The following SLC25A13 variants were observed in gnomAD, a reference collection of about 807,000 sequenced individuals.
SLC25A13 encodes electrogenic aspartate/glutamate antiporter SLC25A13, mitochondrial.
In SLC25A13, 70 loss-of-function variants were observed where a neutral mutation model predicts 85.5. That is an observed-to-expected ratio of 0.82 (90% CI 0.68 to 1.00). SLC25A13 has a LOEUF of 1.00. Among genes scored for constraint, SLC25A13 ranks in the 50% least tolerant of loss-of-function variants. The pLI is 0.00. For missense variants in SLC25A13, 765 were observed against 819.8 expected, an observed-to-expected ratio of 0.93 and a Z score of 0.82; for synonymous variants, 259 against 288.7, an observed-to-expected ratio of 0.90 and a Z score of 1.04.
chr7:96,229,492 G>C (rs1241246819), intron 4 of SLC25A13, among the ~76,000 whole-genome samples: 2 of 152,126 alleles, frequency 1.3e-5, no homozygotes, highest in African/African-American at 4.8e-5. Context: ...GTGGCAACCT[G>C]CTCTGGTCCC....
chr7:96,300,728 C>T (rs1799520066), intron 1 of SLC25A13, among the ~76,000 whole-genome samples: 1 of 152,146 alleles, frequency 6.6e-6, no homozygotes, highest in African/African-American at 2.4e-5. Context: ...ATGATCACCA[C>T]AAGATTTCTC....
chr7:96,188,138 G>A (rs180908662), intron 9 of SLC25A13, among the ~76,000 whole-genome samples: 2 of 152,282 alleles, frequency 1.3e-5, no homozygotes, highest in African/African-American at 2.4e-5. Flanking sequence ...GCATACAGAC[G>A]AAGAGATAAT....
At chr7:96,258,462 C>A (rs762211420) in intron 3 of SLC25A13, among the ~76,000 whole-genome samples, 1 of 152,096 alleles carries the variant, frequency 6.6e-6, no homozygotes, top group Non-Finnish European at 1.5e-5. Context: ...CTCCCATTCA[C>A]AATTGCTACA....
intron 3 of SLC25A13, among the ~76,000 whole-genome samples, chr7:96,276,086 ATC>A (rs1798440249): frequency 6.6e-6 from 1 of 152,234 alleles, no homozygotes. Flanking sequence ...GGTAACTGCA[ATC>A]TGTCAAAAGG....
chr7:96,201,673 C>A (rs1584447906), intron 5 of SLC25A13, among the ~76,000 whole-genome samples: 1 of 152,124 alleles, frequency 6.6e-6, no homozygotes, highest in East Asian at 1.9e-4. Context: ...ACGGCTTCAG[C>A]CAGTTCTACT....
chr7:96,186,618 A>C (rs897489812), intron 9 of SLC25A13, among the ~76,000 whole-genome samples: 2 of 152,208 alleles, frequency 1.3e-5, no homozygotes, highest in African/African-American at 4.8e-5. Context: ...TAGCCTTTAA[A>C]AATAATAACT....
At chr7:96,280,820 C>T (rs986620485) in intron 2 of SLC25A13, among the ~76,000 whole-genome samples, 3 of 152,112 alleles carry the variant, frequency 2.0e-5, no homozygotes, top group African/African-American at 7.2e-5. Context: ...GTTACTCTCA[C>T]ACACTGATGG....
chr7:96,176,986 G>A (rs1794246806), intron 11 of SLC25A13, among the ~76,000 whole-genome samples: 2 of 152,058 alleles, frequency 1.3e-5, no homozygotes, highest in Non-Finnish European at 2.9e-5. Context: ...CAAAACAAGG[G>A]TGCTACTTAC....
In SLC25A13 at chr7:96,208,935, T is replaced by C. The variant is rs1472269685; in HGVS notation, c.371A>G (p.His124Arg). ...TTCTGAATCCCAGTTAAATGGAATA[T>C]GTTGATGAATTGTGGTCTGTCCAAA... ...QVFGQTTIHQ[H>R]IPFNWDSEFV... The change falls in exon 5 of 18, where the codon CAT becomes CGT. Residue 124 changes from histidine to arginine, a missense_variant. Transcript: ENST00000265631. 4 of 1,614,116 alleles carry C rather than the reference T, an allele frequency of 2.5e-6. No individual in the cohort carries two copies. The highest frequency in any genetic ancestry group is 1.1e-5 in the South Asian group (1 of 91,084).
At chr7:96,200,093 A>AAT (rs1455534472) in intron 5 of SLC25A13, among the ~76,000 whole-genome samples, 2 of 152,036 alleles carry the variant, frequency 1.3e-5, no homozygotes, top group African/African-American at 4.8e-5. Context: ...CCAAAAAATA[A>AAT]ATATATATAT....
At chr7:96,132,341 G>T (rs1055391271) in intron 14 of SLC25A13, among the ~76,000 whole-genome samples, 2 of 152,018 alleles carry the variant, frequency 1.3e-5, no homozygotes, top group African/African-American at 4.8e-5. Flanking sequence ...TTGTACGTTT[G>T]GACTGTTTCC....
intron 4 of SLC25A13, among the ~76,000 whole-genome samples, chr7:96,225,896 C>T (rs973735307): frequency 1.8e-4 from 27 of 152,130 alleles, no homozygotes; most frequent in African/African-American, 4.3e-4. Context: ...AAACAGACTC[C>T]GCGCTTAGAA....
intron 14 of SLC25A13, among the ~76,000 whole-genome samples, chr7:96,140,542 C>T (rs1405822679): frequency 2.0e-5 from 3 of 151,410 alleles, no homozygotes; most frequent in East Asian, 4.0e-4. Flanking sequence ...GTAGCTGGAA[C>T]TATAGGCACG....
At chr7:96,242,987 G>A (rs187858403) in intron 3 of SLC25A13, among the ~76,000 whole-genome samples, 54 of 151,530 alleles carry the variant, frequency 3.6e-4, no homozygotes, top group Admixed American at 1.5e-3. Flanking sequence ...TTTTTGAGAC[G>A]GAGTCTCACT....
intron 3 of SLC25A13, among the ~76,000 whole-genome samples, chr7:96,241,973 C>T (rs936643492): frequency 3.3e-5 from 5 of 152,190 alleles, no homozygotes; most frequent in Non-Finnish European, 1.5e-5. Flanking sequence ...CAGGCCAACT[C>T]TGTGGCTACG....
intron 3 of SLC25A13, among the ~76,000 whole-genome samples, chr7:96,264,494 T>TC (rs1797974261): frequency 6.6e-6 from 1 of 152,210 alleles, no homozygotes. Flanking sequence ...CTCTATCTTC[T>TC]CTTCTAGCTC....
chr7:96,283,761 G>T, intron 2 of SLC25A13: 1 of 212,028 alleles, frequency 4.7e-6, no homozygotes, highest in East Asian at 1.5e-4. Context: ...GAGAACTCAC[G>T]GGAAGGAGCT....
Position 96,184,947 on chromosome 7 carries a change from C to T in SLC25A13, c.998G>A (p.Gly333Asp). 6.2e-7 allele frequency: 1 copy of T among 1,614,182 alleles called. No individual in the cohort carries two copies. The highest frequency in any genetic ancestry group is 8.5e-7 in the Non-Finnish European group (1 of 1,180,038). Residue 333 changes from glycine to aspartate, a missense_variant, in exon 10 of 18, where the codon GGT becomes GAT. Gly to Asp is a moderately conservative substitution (Grantham distance 94). Transcript: ENST00000265631. ...LQVAESAYRF[G>D]LGSVAGAVGA... ...CTAACCTCCAGCAACAGAACCCAGA[C>T]CAAACCTGTAGGCCGACTCTGCAAC...
At chr7:96,235,592 G>A (rs1796715651) in intron 3 of SLC25A13, among the ~76,000 whole-genome samples, 1 of 152,176 alleles carries the variant, frequency 6.6e-6, no homozygotes, top group Non-Finnish European at 1.5e-5. Context: ...ACTTGGATAT[G>A]CGGTAATGGG....
Sources: gnomAD v4.1 joint callset for allele counts (sites outside exome capture counted in the v4.1 genomes callset) on GRCh38, gnomAD v4.1.1 for gene constraint, MANE v1.5 for transcripts, NCBI Gene and HGNC (gene_info 2026-07-23, HGNC 2026-07-21) for gene names.